Variants in RIMS1 observed in about 807,000 individuals in gnomAD.
RIMS1 encodes the protein regulating synaptic membrane exocytosis protein 1.
A neutral mutation model predicts 214.1 loss-of-function variants in RIMS1; 83 were observed. The observed-to-expected ratio is 0.39, with a 90% CI of 0.32 to 0.47. The LOEUF (loss-of-function observed/expected upper bound fraction) is 0.47. Among genes scored for constraint, RIMS1 ranks in the 20% least tolerant of loss-of-function variants. The probability of loss-of-function intolerance (pLI) is 0.99; values close to 1 mark genes in which losing one functional copy is unlikely to be tolerated. For synonymous variants in RIMS1, 793 were observed against 786.8 expected, an observed-to-expected ratio of 1.01 and a Z score of -0.13; for missense variants, 2,050 against 2,161.8, an observed-to-expected ratio of 0.95 and a Z score of 1.03.
intron 6 of RIMS1, among the ~76,000 whole-genome samples, chr6:72,200,678 C>G (rs1452583782): frequency 6.6e-6 from 1 of 152,120 alleles, no homozygotes; most frequent in African/African-American, 2.4e-5. Context: ...GAAGGATAAA[C>G]AATTCTCCCT....
intron 2 of RIMS1, among the ~76,000 whole-genome samples, chr6:72,006,805 G>C (rs1263052342): frequency 6.6e-6 from 1 of 152,214 alleles, no homozygotes; most frequent in Non-Finnish European, 1.5e-5. Flanking sequence ...TGAGGTTTGA[G>C]TAGGTAAACA....
intron 4 of RIMS1, among the ~76,000 whole-genome samples, chr6:72,155,656 G>A (rs1043067125): frequency 7.1e-6 from 1 of 140,908 alleles, no homozygotes; most frequent in African/African-American, 2.5e-5. Context: ...GGCAAAGAGA[G>A]CACTTGTGCA....
intron 2 of RIMS1, among the ~76,000 whole-genome samples, chr6:72,034,537 G>A (rs1029104906): frequency 2.6e-5 from 4 of 151,796 alleles, no homozygotes; most frequent in Non-Finnish European, 5.9e-5. Flanking sequence ...TGCTCCATAC[G>A]CTAGCTTTTA....
intron 2 of RIMS1, among the ~76,000 whole-genome samples, chr6:72,093,583 T>A (rs902610595): frequency 2.6e-5 from 4 of 152,112 alleles, no homozygotes; most frequent in African/African-American, 9.7e-5. Flanking sequence ...GCTGGATTTT[T>A]AAAATCTAAT....
At chr6:72,213,105 A>G in intron 6 of RIMS1, 1 of 1,536,810 alleles carries the variant, frequency 6.5e-7, no homozygotes, top group Non-Finnish European at 8.7e-7. Flanking sequence ...AGCTGGATTT[A>G]TTTCCAAGTT....
At chr6:71,951,519 T>C (rs1252340169) in intron 1 of RIMS1, among the ~76,000 whole-genome samples, 1 of 147,686 alleles carries the variant, frequency 6.8e-6, no homozygotes, top group Non-Finnish European at 1.5e-5. Flanking sequence ...TGACAGAGTC[T>C]CCACTCTGTC....
intron 29 of RIMS1, among the ~76,000 whole-genome samples, chr6:72,377,884 C>T (rs536497150): frequency 3.3e-5 from 5 of 152,210 alleles, no homozygotes; most frequent in East Asian, 3.9e-4. Flanking sequence ...TTCATATGAA[C>T]GATATTAATG....
intron 1 of RIMS1, among the ~76,000 whole-genome samples, chr6:71,953,109 C>T (rs543351587): frequency 1.3e-5 from 2 of 151,928 alleles, no homozygotes; most frequent in South Asian, 2.1e-4. Context: ...TCCTCAGCCT[C>T]CCAAGGAGCT....
At chr6:72,368,758 A>G (rs527740263) in intron 29 of RIMS1, among the ~76,000 whole-genome samples, 74 of 152,240 alleles carry the variant, frequency 4.9e-4, no homozygotes, top group Admixed American at 7.8e-4. Context: ...TTTAAAGTTT[A>G]TTGCATTAAT....
intron 1 of RIMS1, among the ~76,000 whole-genome samples, chr6:71,890,702 G>A (rs189268889): frequency 2.1e-4 from 31 of 151,042 alleles, no homozygotes; most frequent in Non-Finnish European, 4.4e-5. Context: ...GGAATATAAT[G>A]TAAATAGGTA....
At chr6:72,253,603 A>G (rs1206923464) in intron 16 of RIMS1, among the ~76,000 whole-genome samples, 2 of 152,176 alleles carry the variant, frequency 1.3e-5, no homozygotes, top group Non-Finnish European at 2.9e-5. Flanking sequence ...TAAAATGTAT[A>G]AATATGAATT....
At chr6:72,012,347 G>C (rs572261933) in intron 2 of RIMS1, among the ~76,000 whole-genome samples, 9 of 152,194 alleles carry the variant, frequency 5.9e-5, no homozygotes, top group Middle Eastern at 6.8e-3. Context: ...GGGGAAAGAG[G>C]GTGGGATAGC....
chr6:72,383,407 A>G (rs2154426352), intron 29 of RIMS1, among the ~76,000 whole-genome samples: 1 of 152,188 alleles, frequency 6.6e-6, no homozygotes, highest in Non-Finnish European at 1.5e-5. Flanking sequence ...AGTATAATAT[A>G]CTAACCACAA....
chr6:72,016,832 A>G (rs934694228), intron 2 of RIMS1, among the ~76,000 whole-genome samples: 1 of 152,226 alleles, frequency 6.6e-6, no homozygotes, highest in African/African-American at 2.4e-5. Flanking sequence ...GAGAATTAAA[A>G]TTCCCTTCAA....
At chr6:72,367,505 T>A (rs893732359) in intron 29 of RIMS1, among the ~76,000 whole-genome samples, 2 of 152,194 alleles carry the variant, frequency 1.3e-5, no homozygotes, top group African/African-American at 4.8e-5. Context: ...TGTTAATAAT[T>A]TGATGAAATT....
intron 2 of RIMS1, among the ~76,000 whole-genome samples, chr6:72,054,672 G>A (rs1825680997): frequency 6.6e-6 from 1 of 152,058 alleles, no homozygotes; most frequent in South Asian, 2.1e-4. Context: ...TTTCTCTAGA[G>A]ATCAGTGATA....
intron 29 of RIMS1, among the ~76,000 whole-genome samples, chr6:72,366,205 A>G (rs2098012154): frequency 6.6e-6 from 1 of 152,250 alleles, no homozygotes; most frequent in Admixed American, 6.5e-5. Flanking sequence ...AAAGCAGCTG[A>G]AACCTATCAG....
At chr6:72,252,854 C>T in intron 16 of RIMS1, 22 bp downstream of exon 16, 1 of 1,530,582 alleles carries the variant, frequency 6.5e-7, no homozygotes. Context: ...AGGAGCATGA[C>T]CCTGCTTCAC....
At position 72,248,054 on chromosome 6, in the gene RIMS1, C is replaced by G. The variant is rs2071081173; in HGVS notation, c.2168C>G (p.Ser723Cys). Residue 723 changes from serine to cysteine, a missense_variant, in exon 12 of 34, where the codon TCC becomes TGC. By Grantham distance (112) the Ser-to-Cys change is moderately radical. Transcript: ENST00000521978. ...GAATCTCAGAAGATGGAAAGGCCTT[C>G]CATTTCTGTTATTTCTCCAACAAGT... Reference protein sequence around the residue: ...SFESQKMERPSISVISPTSPG... With the variant: ...SFESQKMERPCISVISPTSPG... The G allele has an allele frequency of 6.2e-7, 1 of 1,613,230 alleles. No homozygotes were observed. The highest frequency in any genetic ancestry group is 1.3e-5 in the African/African-American group (1 of 74,976).
Sources: gnomAD v4.1 joint callset for allele counts (sites outside exome capture counted in the v4.1 genomes callset) on GRCh38, gnomAD v4.1.1 for gene constraint, MANE v1.5 for transcripts, NCBI Gene and HGNC (gene_info 2026-07-23, HGNC 2026-07-21) for gene names.